Variants in NUP88 observed in about 807,000 individuals in gnomAD.
NUP88 encodes nucleoporin 88.
NUP88 carries 57 observed loss-of-function variants against 93.9 expected under a neutral mutation model. That is an observed-to-expected ratio of 0.61 (90% CI 0.49 to 0.76). The LOEUF is 0.76. NUP88 is among the 30% of genes least tolerant of loss of function. The pLI, the probability that NUP88 is intolerant of heterozygous loss-of-function variation, is 0.00. For missense variants in NUP88, 911 were observed against 901.0 expected (o/e 1.01, Z -0.14); for synonymous variants, 346 against 336.8 (o/e 1.03, Z -0.30).
intron 8 of NUP88, among the ~76,000 whole-genome samples, chr17:5,395,226 T>A (rs1912698507): frequency 6.6e-6 from 1 of 152,212 alleles, no homozygotes; most frequent in South Asian, 2.1e-4. Context: ...GAAATCATTC[T>A]CTTCTAGGGT....
At chr17:5,399,274 GTCCAT>G (rs1912999935) in intron 8 of NUP88, among the ~76,000 whole-genome samples, 2 of 86,712 alleles carry the variant, frequency 2.3e-5, no homozygotes, top group Admixed American at 2.9e-4. Flanking sequence ...CTTGGAATTT[GTCCAT>G]TCCATCTAGA....
chr17:5,400,140 T>TAAAAAAAAAAA lies in NUP88; in HGVS notation c.1193-501_1193-491dup, dbSNP rs1280995996. Among the ~76,000 whole-genome samples the TAAAAAAAAAAA allele has an allele frequency of 3.3e-5, 4 of 120,672 alleles. No individual in the cohort carries two copies. The East Asian group carries it at 1.1e-3, about 33-fold the overall frequency. 79.2% of individuals were successfully genotyped at this position (120,672 alleles called of 152,430 possible). On this transcript the variant is annotated intron_variant, in intron 7 of 16. Coordinates refer to ENST00000573584, the MANE Select transcript of NUP88 (RefSeq NM_002532.6). ...CAGGGTTGCCACATCTTTCATTTGT[T>TAAAAAAAAAAA]AAAAAAAAAAAAAAAAAGCACTGTG...
At chr17:5,412,896 C>T (rs1913922891) in intron 3 of NUP88, among the ~76,000 whole-genome samples, 1 of 152,198 alleles carries the variant, frequency 6.6e-6, no homozygotes, top group Admixed American at 6.5e-5. Flanking sequence ...CCCTATGTTC[C>T]AAAGTGCTGG....
At position 5,386,226 on chromosome 17, in the gene NUP88, G is replaced by T; in HGVS notation, c.2206C>A (p.Arg736Ser). 6.2e-7 allele frequency: 1 copy of T among 1,613,146 alleles called. No homozygotes were observed. Among genetic ancestry groups the T allele is most frequent in the South Asian group, 1.1e-5 (1 of 90,910 alleles). ...REMVKQINDIRNHVNF is the reference protein window; with the variant it reads ...REMVKQINDISNHVNF ...TGGTGTCAGAAGTTTACATGATTGC[G>T]GATATCATTGATTTGCTTCACCATT... is the stretch of plus-strand genomic sequence containing the variant. Residue 736 changes from arginine to serine, a missense_variant, in exon 17 of 17, where the codon CGC (arginine) becomes AGC (serine). Physicochemically the swap from Arg to Ser is moderately radical, Grantham distance 110. Coordinates refer to ENST00000573584, the MANE Select transcript of NUP88 (RefSeq NM_002532.6).
chr17:5,397,350 AT>A (rs56312052), intron 8 of NUP88, among the ~76,000 whole-genome samples: 65,757 of 149,614 alleles, frequency 0.44, 15,069 homozygotes, highest in East Asian at 0.83. Flanking sequence ...TCTTAAAAGA[AT>A]TTTTTTTTTT....
chr17:5,414,177 T>C (rs1248802807), intron 2 of NUP88, 43 bp from the exon 3 acceptor site: 2 of 1,574,962 alleles, frequency 1.3e-6, no homozygotes, highest in Admixed American at 1.7e-5. Flanking sequence ...TTGTACAACT[T>C]GGATGAAAAT....
intron 16 of NUP88, 66 bp downstream of exon 16, chr17:5,386,642 T>C: frequency 9.3e-7 from 1 of 1,074,930 alleles, no homozygotes; most frequent in Non-Finnish European, 1.4e-6. Context: ...TAAGACAGGT[T>C]GATTCTGGCA....
chr17:5,414,264 C>T (rs1914010301), intron 2 of NUP88, 130 bp from the exon 3 acceptor site: 7 of 679,504 alleles, frequency 1.0e-5, no homozygotes, highest in South Asian at 3.6e-5. Context: ...GGCACAATCT[C>T]GGCTCACTGC....
chr17:5,388,252 G>T, intron 11 of NUP88: 1 of 173,088 alleles, frequency 5.8e-6, no homozygotes, highest in South Asian at 1.3e-4. Context: ...CCGCCTGCCT[G>T]GGCCTCCCAA....
chr17:5,408,793 G>C lies in NUP88; in HGVS notation c.797C>G (p.Pro266Arg). 1 of 1,613,796 alleles carries C rather than the reference G, an allele frequency of 6.2e-7. No homozygotes were observed. The highest frequency in any genetic ancestry group is 8.5e-7 in the Non-Finnish European group (1 of 1,179,742). ...TCCATTTTCATATAAGATGTACAGT[G>C]GGTATGCCACTACTTCATCTTTGCC... Reference protein sequence around the residue: ...QNGKDEVVAYPLYILYENGET... With the variant: ...QNGKDEVVAYRLYILYENGET... The change falls in exon 5 of 17, where the codon CCA (proline) becomes CGA (arginine). Residue 266 changes from proline (P) to arginine (R), a missense_variant. By Grantham distance (103) the Pro-to-Arg change is moderately radical. Coordinates refer to ENST00000573584, the MANE Select transcript of NUP88 (RefSeq NM_002532.6).
chr17:5,393,211 T>A (rs1023299298), intron 9 of NUP88, among the ~76,000 whole-genome samples: 7 of 151,946 alleles, frequency 4.6e-5, no homozygotes, highest in Admixed American at 2.6e-4. Context: ...TGCCTCAGCC[T>A]CCCAAAGTGC....
At chr17:5,390,530 G>A (rs1179867211) in intron 10 of NUP88, among the ~76,000 whole-genome samples, 2 of 152,126 alleles carry the variant, frequency 1.3e-5, no homozygotes, top group Non-Finnish European at 2.9e-5. Context: ...AACGGACAAG[G>A]GGTGGGGGTG....
At chr17:5,392,345 A>G (rs999080569) in intron 9 of NUP88, among the ~76,000 whole-genome samples, 1 of 152,178 alleles carries the variant, frequency 6.6e-6, no homozygotes, top group Non-Finnish European at 1.5e-5. Flanking sequence ...TGTCTCTTCC[A>G]TTTAAAATAC....
chr17:5,386,782 C>T lies in NUP88; in HGVS notation c.2088G>A (p.Val696=). 1.2e-6 allele frequency: 2 copies of T among 1,614,076 alleles called. No individual in the cohort carries two copies. Among genetic ancestry groups the T allele is most frequent in the Non-Finnish European group, 1.7e-6 (2 of 1,179,926 alleles). ...KDYQQQKMEK[V]LSLPKPTIIL... The stretch of plus-strand genomic sequence containing the variant: ...TAATGGTGGGTTTTGGAAGACTCAA[C>T]ACCTTCTCCATCTTTTGCTGTTGAT... Residue 696 remains valine (V), a synonymous_variant, in exon 16 of 17, where the codon GTG becomes GTA. Coordinates refer to ENST00000573584, the MANE Select transcript of NUP88 (RefSeq NM_002532.6).
At chr17:5,396,138 G>C (rs1355743068) in intron 8 of NUP88, among the ~76,000 whole-genome samples, 2 of 152,120 alleles carry the variant, frequency 1.3e-5, no homozygotes, top group Non-Finnish European at 2.9e-5. Context: ...TTGAACCCAG[G>C]AGGTGGAGGT....
intron 5 of NUP88, among the ~76,000 whole-genome samples, chr17:5,406,740 C>T (rs918082490): frequency 6.6e-6 from 1 of 150,918 alleles, no homozygotes; most frequent in Non-Finnish European, 1.5e-5. Context: ...ACAGAAAATA[C>T]ACTAACAATA....
intron 8 of NUP88, among the ~76,000 whole-genome samples, chr17:5,398,477 C>T (rs1184343184): frequency 3.3e-5 from 5 of 151,806 alleles, no homozygotes; most frequent in East Asian, 3.9e-4. Context: ...TTAGTAGAGA[C>T]GGGGTTTCGC....
Position 5,419,618 on chromosome 17 carries a change from G to A in NUP88, c.33C>T (p.Gly11=). ...TAGGAAGCCAGGTCTGCCACAGCTC[G>A]CCGTCGCCCACCGGTCCCTCGGCGG... MAAAEGPVGD[G]ELWQTWLPNH... is the part of the protein sequence containing the mutation. The change falls in exon 1 of 17, where the codon GGC becomes GGT. Residue 11 remains glycine, a synonymous_variant. Transcript: ENST00000573584. The A allele has an allele frequency of 6.3e-7, 1 of 1,596,524 alleles. No individual in the cohort carries two copies.
In NUP88 at chr17:5,387,447, C is replaced by A. The variant is rs3026123; in HGVS notation, c.1855G>T (p.Ala619Ser). ...TCATATTTGTCAGCTAAACGCTCAGCCATTTCCCGCAGACTTTTCCTAATG... is the reference window on the plus strand; with the variant it reads ...TCATATTTGTCAGCTAAACGCTCAGACATTTCCCGCAGACTTTTCCTAATG... ...REERKSLREM[A>S]ERLADKYEEA... Residue 619 changes from alanine (A) to serine (S), a missense_variant, in exon 14 of 17, where the codon GCT becomes TCT. Transcript: ENST00000573584. 5.6e-6 allele frequency: 9 copies of A among 1,614,042 alleles called. No homozygotes were observed. The highest frequency in any genetic ancestry group is 1.6e-4 in the Middle Eastern group (1 of 6,084).
Sources: allele counts gnomAD v4.1 joint callset (sites outside exome capture counted in the v4.1 genomes callset), GRCh38; gene constraint gnomAD v4.1.1; transcripts MANE v1.5; gene names NCBI Gene and HGNC (gene_info 2026-07-23, HGNC 2026-07-21).